Variants in LRRC20 observed in about 807,000 individuals in gnomAD.
LRRC20 encodes the protein leucine rich repeat containing 20.
Under a neutral mutation model 14.4 loss-of-function variants are expected in LRRC20, and 11 were observed. The observed-to-expected ratio is 0.77, with a 90% confidence interval of 0.48 to 1.27. The LOEUF (loss-of-function observed/expected upper bound fraction) is 1.27, where lower values mean the gene tolerates loss of function less well. Among genes scored for constraint, LRRC20 ranks in the 50% most tolerant of loss-of-function variants. LRRC20 has a pLI of 0.00. For missense variants in LRRC20, 219 were observed against 251.2 expected (o/e 0.87, Z 0.87); for synonymous variants, 121 against 107.3 (o/e 1.13, Z -0.79).
chr10:70,351,353 T>A (rs780030146), intron 2 of LRRC20, among the ~76,000 whole-genome samples: 6 of 152,204 alleles, frequency 3.9e-5, no homozygotes, highest in African/African-American at 9.7e-5. Context: ...TAACACAGCC[T>A]CCAATCTGAG....
chr10:70,330,020 A>G (rs1842476599), intron 3 of LRRC20, among the ~76,000 whole-genome samples: 2 of 152,130 alleles, frequency 1.3e-5, no homozygotes, highest in South Asian at 4.1e-4. Flanking sequence ...GAATCTTTCC[A>G]TCTGTGTTCT....
At chr10:70,369,984 G>A (rs1382195284) in intron 2 of LRRC20, among the ~76,000 whole-genome samples, 3 of 152,062 alleles carry the variant, frequency 2.0e-5, no homozygotes. Flanking sequence ...AGCTGAGGCA[G>A]GAGAATCACT....
At chr10:70,355,566 G>C (rs987496997) in intron 2 of LRRC20, among the ~76,000 whole-genome samples, 1 of 152,140 alleles carries the variant, frequency 6.6e-6, no homozygotes, top group African/African-American at 2.4e-5. Flanking sequence ...TCTGAGACGT[G>C]GGGAAACCAC....
At chr10:70,338,826 A>G (rs1564628019) in intron 3 of LRRC20, among the ~76,000 whole-genome samples, 1 of 152,176 alleles carries the variant, frequency 6.6e-6, no homozygotes, top group East Asian at 1.9e-4. Flanking sequence ...ACACCCGGCT[A>G]ATTTTTGTAT....
intron 2 of LRRC20, among the ~76,000 whole-genome samples, chr10:70,343,792 T>G (rs891703014): frequency 6.6e-6 from 1 of 152,198 alleles, no homozygotes; most frequent in Non-Finnish European, 1.5e-5. Context: ...AGTAGGCAGA[T>G]CTCATCATAC....
chr10:70,381,001 GGA>G lies in LRRC20; in HGVS notation c.-64+1546_-64+1547del, dbSNP rs1034269145. On this transcript the variant is annotated intron_variant, in intron 1 of 4. Coordinates refer to ENST00000446961, the MANE Select transcript of LRRC20 (RefSeq NM_001278212.2). ...AGCAGCAGGTGCACAAAGAGATTCAGGAGAGAGAGAGACAGGGAGCCAATGGG... is the reference window on the plus strand; with the variant it reads ...AGCAGCAGGTGCACAAAGAGATTCAGGAGAGAGAGACAGGGAGCCAATGGG... Among the ~76,000 whole-genome samples the G allele has an allele frequency of 2.0e-5, 3 of 152,284 alleles. No homozygotes were observed. In the South Asian group the frequency reaches 6.2e-4, roughly 32 times the overall value.
chr10:70,367,328 C>A (rs200156387), intron 2 of LRRC20, among the ~76,000 whole-genome samples: 1,027 of 117,216 alleles, frequency 8.8e-3, no homozygotes, highest in East Asian at 0.016. Context: ...GACCCGGTCT[C>A]AAAAAAAAAA....
intron 2 of LRRC20, among the ~76,000 whole-genome samples, chr10:70,367,591 C>G (rs1243310567): frequency 6.6e-6 from 1 of 152,024 alleles, no homozygotes; most frequent in Non-Finnish European, 1.5e-5. Flanking sequence ...GTGAAAGAAG[C>G]CAGGCTCAAG....
At chr10:70,337,621 G>C (rs942753012) in intron 3 of LRRC20, among the ~76,000 whole-genome samples, 2 of 152,046 alleles carry the variant, frequency 1.3e-5, no homozygotes, top group Admixed American at 6.5e-5. Flanking sequence ...ATCCCACAAG[G>C]CTCTCCCCAG....
At chr10:70,312,043 G>A (rs895251503) in intron 4 of LRRC20, among the ~76,000 whole-genome samples, 10 of 152,188 alleles carry the variant, frequency 6.6e-5, no homozygotes, top group African/African-American at 2.2e-4. Flanking sequence ...TCCTGGTCCA[G>A]TGTGGTGCCC....
chr10:70,307,292 AC>A (rs1382741296), intron 4 of LRRC20, among the ~76,000 whole-genome samples: 3 of 152,216 alleles, frequency 2.0e-5, no homozygotes, highest in Non-Finnish European at 4.4e-5. Context: ...CAGCAATGAC[AC>A]CCAAGTGGCC....
chr10:70,320,743 G>A lies in LRRC20; in HGVS notation c.400+3120C>T, dbSNP rs558900318. Among the ~76,000 whole-genome samples, 5 of 152,304 alleles carry A rather than the reference G, an allele frequency of 3.3e-5. No homozygotes were observed. The South Asian group carries it at 6.2e-4, about 19-fold the overall frequency. The stretch of plus-strand genomic sequence containing the variant: ...TCCACGTGCCACACAGACCTGAAAC[G>A]TGAGGGCATTTAGCTACCAGTGAGC... On this transcript the variant is annotated intron_variant, in intron 4 of 4. Transcript: ENST00000446961.
chr10:70,332,391 C>T (rs1197453197), intron 3 of LRRC20, among the ~76,000 whole-genome samples: 2 of 152,242 alleles, frequency 1.3e-5, no homozygotes, highest in Non-Finnish European at 2.9e-5. Context: ...CGCCTGTAAT[C>T]CCAACACTTT....
At chr10:70,344,139 G>A (rs1260629907) in intron 2 of LRRC20, among the ~76,000 whole-genome samples, 1 of 152,060 alleles carries the variant, frequency 6.6e-6, no homozygotes, top group Non-Finnish European at 1.5e-5. Context: ...AGAGGTCAAG[G>A]CTGCAGTGAG....
chr10:70,344,201 A>C (rs554970518), intron 2 of LRRC20, among the ~76,000 whole-genome samples: 1 of 152,278 alleles, frequency 6.6e-6, no homozygotes, highest in Admixed American at 6.5e-5. Context: ...CCTTGTCTGA[A>C]AAAAAGAAAA....
chr10:70,362,331 T>C (rs7071129), intron 2 of LRRC20, among the ~76,000 whole-genome samples: 138,923 of 152,326 alleles, frequency 0.91, 63,595 homozygotes, highest in Admixed American at 0.96. Flanking sequence ...GGACTGATAG[T>C]CTGGGCTGTA....
intron 4 of LRRC20, among the ~76,000 whole-genome samples, chr10:70,303,341 G>A (rs897457736): frequency 1.3e-5 from 2 of 152,130 alleles, no homozygotes; most frequent in African/African-American, 2.4e-5. Context: ...CTATCTAAGG[G>A]AGGTTAGTTA....
intron 4 of LRRC20, among the ~76,000 whole-genome samples, chr10:70,319,184 AAAAAAAG>A (rs1364934405): frequency 6.6e-6 from 1 of 151,516 alleles, no homozygotes; most frequent in African/African-American, 2.4e-5. Context: ...AAAAAAAAAA[AAAAAAAG>A]AAAGAAACAG....
chr10:70,320,317 A>AGATAGAT (rs1391700045), intron 4 of LRRC20, among the ~76,000 whole-genome samples: 2 of 151,220 alleles, frequency 1.3e-5, no homozygotes, highest in Non-Finnish European at 2.9e-5. Context: ...ATAGATAGAT[A>AGATAGAT]GATAGATAGA....
Sources: allele counts gnomAD v4.1 joint callset (sites outside exome capture counted in the v4.1 genomes callset), GRCh38; gene constraint gnomAD v4.1.1; transcripts MANE v1.5; gene names NCBI Gene and HGNC (gene_info 2026-07-23, HGNC 2026-07-21).